Variants in LRMDA observed in about 807,000 individuals in gnomAD.
LRMDA encodes the protein leucine-rich melanocyte differentiation-associated protein.
A neutral mutation model predicts 29.8 loss-of-function variants in LRMDA; 18 were observed. The ratio of observed to expected loss-of-function variants is 0.60; its 90% CI spans 0.42 to 0.90. The LOEUF (loss-of-function observed/expected upper bound fraction) is 0.90. Among genes scored for constraint, LRMDA ranks in the 40% least tolerant of loss-of-function variants. LRMDA has a pLI of 0.00. For missense variants in LRMDA, 273 were observed against 273.9 expected, an observed-to-expected ratio of 1.00 and a Z score of 0.02; for synonymous variants, 125 against 109.4, an observed-to-expected ratio of 1.14 and a Z score of -0.89.
intron 6 of LRMDA, chr10:76,433,740 C>G (rs1842215983): frequency 6.6e-6 from 1 of 152,298 alleles, no homozygotes; most frequent in South Asian, 2.1e-4. Context: ...TTGCTCCAGC[C>G]TGTTCTTCAC....
At chr10:75,473,339 G>A (rs1844749206) in intron 2 of LRMDA, among the ~76,000 whole-genome samples, 1 of 152,222 alleles carries the variant, frequency 6.6e-6, no homozygotes, top group Admixed American at 6.5e-5. Context: ...GTGGGAGCAG[G>A]GGGCGGTGCT....
At chr10:75,865,029 CTCTT>C (rs1206278505) in intron 2 of LRMDA, among the ~76,000 whole-genome samples, 1 of 151,974 alleles carries the variant, frequency 6.6e-6, no homozygotes, top group Non-Finnish European at 1.5e-5. Context: ...TTTTTTCTGC[CTCTT>C]TCTTTTACCC....
At chr10:75,653,488 C>T (rs752752447) in intron 2 of LRMDA, among the ~76,000 whole-genome samples, 3 of 152,144 alleles carry the variant, frequency 2.0e-5, no homozygotes, top group African/African-American at 7.2e-5. Flanking sequence ...TAAATTTGCC[C>T]CTTCCCCAAA....
chr10:75,658,220 C>G lies in LRMDA; in HGVS notation c.131+219726C>G, dbSNP rs145852649. 8.7e-4 allele frequency among the ~76,000 whole-genome samples: 130 copies of G among 149,330 alleles called. 2 individuals are homozygous for G. In the East Asian group the frequency reaches 0.023, roughly 27 times the overall value. On this transcript the variant is annotated intron_variant, in intron 2 of 6. Transcript: ENST00000611255. ...GTTAAAGGGAATGAAACGTGCAAAG[C>G]CTTTTTCACTGCACGCTGTGTGAAT...
chr10:76,189,352 G>GT, intron 5 of LRMDA, among the ~76,000 whole-genome samples: 1 of 140,666 alleles, frequency 7.1e-6, no homozygotes, highest in East Asian at 1.9e-4. Flanking sequence ...GCGAGATTCT[G>GT]TCTCAAAAAA....
intron 5 of LRMDA, among the ~76,000 whole-genome samples, chr10:76,208,057 G>A (rs1030432596): frequency 1.3e-5 from 2 of 152,128 alleles, no homozygotes; most frequent in Non-Finnish European, 2.9e-5. Flanking sequence ...CCAAGATGCA[G>A]TTACGTTTAT....
intron 6 of LRMDA, among the ~76,000 whole-genome samples, chr10:76,464,467 G>A (rs1842544632): frequency 6.6e-6 from 1 of 152,164 alleles, no homozygotes; most frequent in Non-Finnish European, 1.5e-5. Flanking sequence ...TCTCAGACAT[G>A]AGAATGGCCA....
At chr10:76,212,536 A>C (rs1851655509) in intron 5 of LRMDA, among the ~76,000 whole-genome samples, 1 of 152,210 alleles carries the variant, frequency 6.6e-6, no homozygotes, top group South Asian at 2.1e-4. Context: ...GAATATTACC[A>C]ATCAGCCCTC....
At chr10:76,027,141 T>C (rs1178015863) in intron 2 of LRMDA, among the ~76,000 whole-genome samples, 1 of 152,172 alleles carries the variant, frequency 6.6e-6, no homozygotes, top group Non-Finnish European at 1.5e-5. Context: ...TGGTTGTCCT[T>C]GGATGGTGTT....
intron 6 of LRMDA, among the ~76,000 whole-genome samples, chr10:76,505,479 A>T (rs1026848656): frequency 2.6e-5 from 4 of 152,026 alleles, no homozygotes; most frequent in Admixed American, 6.6e-5. Flanking sequence ...TTTTTAAAAA[A>T]TTTTTATCTG....
chr10:76,414,766 A>T (rs1444873049), intron 6 of LRMDA, among the ~76,000 whole-genome samples: 1 of 152,190 alleles, frequency 6.6e-6, no homozygotes, highest in African/African-American at 2.4e-5. Flanking sequence ...GGGCCCCTTA[A>T]AATCTTCACT....
At chr10:75,748,997 G>A (rs1253725938) in intron 2 of LRMDA, among the ~76,000 whole-genome samples, 3 of 151,864 alleles carry the variant, frequency 2.0e-5, no homozygotes, top group Non-Finnish European at 4.4e-5. Context: ...AAACAACATG[G>A]GTTTGAACTG....
intron 2 of LRMDA, among the ~76,000 whole-genome samples, chr10:75,861,188 A>C (rs2132322126): frequency 6.6e-6 from 1 of 152,346 alleles, no homozygotes; most frequent in East Asian, 1.9e-4. Flanking sequence ...TTTATTGCTG[A>C]TGAATACCAA....
chr10:75,506,440 T>TA (rs1187368776), intron 2 of LRMDA, among the ~76,000 whole-genome samples: 6 of 151,240 alleles, frequency 4.0e-5, no homozygotes, highest in South Asian at 2.1e-4. Flanking sequence ...TTTGATTTCT[T>TA]AAAAAATCAA....
At chr10:76,529,856 C>T (rs1158398252) in intron 6 of LRMDA, among the ~76,000 whole-genome samples, 1 of 152,096 alleles carries the variant, frequency 6.6e-6, no homozygotes, top group Admixed American at 6.6e-5. Context: ...CTGAAGCTAC[C>T]TCCTGTACAG....
chr10:76,547,529 G>T (rs1383998377), intron 6 of LRMDA, among the ~76,000 whole-genome samples: 1 of 151,902 alleles, frequency 6.6e-6, no homozygotes, highest in Non-Finnish European at 1.5e-5. Flanking sequence ...TAAGCAAGCG[G>T]CTGCTTTCCT....
chr10:76,409,876 C>T lies in LRMDA; in HGVS notation c.601+85391C>T, dbSNP rs147008148. 8.0e-3 allele frequency among the ~76,000 whole-genome samples: 1,222 copies of T among 152,260 alleles called. 13 individuals carry two copies. The highest frequency in any genetic ancestry group is 0.044 in the Middle Eastern group (13 of 294). The stretch of plus-strand genomic sequence containing the variant: ...TCCCAGAGGATAGAATCTACAAAAA[C>T]AAATTTATGCTAGCGACTCAATATG... On this transcript the variant is annotated intron_variant, in intron 6 of 6. Coordinates refer to ENST00000611255, the MANE Select transcript of LRMDA (RefSeq NM_001305581.2).
intron 6 of LRMDA, among the ~76,000 whole-genome samples, chr10:76,476,207 A>G (rs1842669011): frequency 6.6e-6 from 1 of 152,184 alleles, no homozygotes; most frequent in Non-Finnish European, 1.5e-5. Flanking sequence ...ATAAAAAATG[A>G]CAAAGGGGAT....
intron 2 of LRMDA, among the ~76,000 whole-genome samples, chr10:75,857,538 T>C (rs1844849094): frequency 6.6e-6 from 1 of 152,218 alleles, no homozygotes; most frequent in Admixed American, 6.5e-5. Flanking sequence ...TCAGCATTTC[T>C]AGCAAAAGGA....
Sources: gnomAD v4.1 joint callset for allele counts (sites outside exome capture counted in the v4.1 genomes callset) on GRCh38, gnomAD v4.1.1 for gene constraint, MANE v1.5 for transcripts, NCBI Gene and HGNC (gene_info 2026-07-23, HGNC 2026-07-21) for gene names.